Variants in GPM6A observed in about 807,000 individuals in gnomAD.
The protein encoded by GPM6A is glycoprotein M6A.
Under a neutral mutation model 32.1 loss-of-function variants are expected in GPM6A, and 7 were observed. The ratio of observed to expected loss-of-function variants is 0.22; its 90% CI spans 0.12 to 0.41. The LOEUF (loss-of-function observed/expected upper bound fraction) is 0.41, where lower values mean the gene tolerates loss of function less well. GPM6A is among the 10% of genes least tolerant of loss of function. GPM6A has a pLI of 1.00. For synonymous variants in GPM6A, 130 were observed against 123.4 expected (o/e 1.05, Z -0.35); for missense variants, 235 against 347.2 (o/e 0.68, Z 2.57).
chr4:175,647,593 A>G (rs1741533253), intron 4 of GPM6A, among the ~76,000 whole-genome samples: 1 of 152,188 alleles, frequency 6.6e-6, no homozygotes, highest in Non-Finnish European at 1.5e-5. Flanking sequence ...AAGTAGGTAT[A>G]ATGGCCATTA....
intron 1 of GPM6A, among the ~76,000 whole-genome samples, chr4:175,863,309 A>G (rs941103748): frequency 1.3e-5 from 2 of 152,128 alleles, no homozygotes; most frequent in Admixed American, 1.3e-4. Context: ...ATTGTCTAGA[A>G]TTTTATATAA....
intron 1 of GPM6A, among the ~76,000 whole-genome samples, chr4:175,864,830 T>C (rs1292144681): frequency 1.3e-5 from 2 of 152,084 alleles, no homozygotes; most frequent in East Asian, 3.9e-4. Flanking sequence ...TTTTCTTCTT[T>C]TCTTTTTTTT....
In GPM6A at chr4:175,817,677, G is replaced by T. The variant is rs139507673; in HGVS notation, c.-22-5428C>A. ...GGGGAGGCAGATTGTTGGGGAGAAA[G>T]AAAAGATATTCTGAACAGTTGAAAG... On this transcript the variant is annotated intron_variant, in intron 1 of 7. Coordinates refer to the GPM6A transcript ENST00000280187. 2.1e-3 allele frequency among the ~76,000 whole-genome samples: 319 copies of T among 152,284 alleles called. 1 individual carries two copies. Among genetic ancestry groups the T allele is most frequent in the African/African-American group, 7.4e-3 (306 of 41,568 alleles).
Position 175,673,580 on chromosome 4 carries a change from G to A in GPM6A, c.387+100C>T, listed in dbSNP as rs994218492. 1.9e-5 allele frequency: 15 copies of A among 787,802 alleles called. No individual in the cohort carries two copies. The African/African-American group carries it at 2.2e-4, about 12-fold the overall frequency. The allele number at this position is 787,802 out of a possible 1,614,324, so 48.8% of individuals were successfully genotyped here. On this transcript the variant is annotated intron_variant, in intron 3 of 6. Coordinates refer to ENST00000393658, the MANE Select transcript of GPM6A (RefSeq NM_201591.3). ...GCATCACAGAAGGAAACGTTACTGT[G>A]TGAAAAAAAAATACTTTAATTCTTG...
intron 1 of GPM6A, among the ~76,000 whole-genome samples, chr4:175,951,171 C>G (rs909309600): frequency 2.0e-5 from 3 of 152,112 alleles, no homozygotes; most frequent in Non-Finnish European, 4.4e-5. Context: ...TACTGAACTC[C>G]CCATGGAATG....
chr4:175,992,047 C>T (rs1363387082), intron 1 of GPM6A, among the ~76,000 whole-genome samples: 1 of 117,980 alleles, frequency 8.5e-6, no homozygotes, highest in Non-Finnish European at 1.8e-5. Context: ...ACCCCCTACA[C>T]ACAAACACAC....
At position 175,634,683 on chromosome 4, in the gene GPM6A, G is replaced by A; in HGVS notation, c.*222C>T. The A allele has an allele frequency of 2.3e-6, 1 of 440,324 alleles. No homozygotes were observed. The highest frequency in any genetic ancestry group is 3.8e-5 in the East Asian group (1 of 26,320). 27.3% of individuals were successfully genotyped at this position (440,324 alleles called of 1,614,324 possible). ...TGAGTTTGAGAAATTTCAAAAAAAA[G>A]GCTGGATAGGAGCTTGTAGAAAAGA... On this transcript the variant is annotated 3_prime_UTR_variant, in exon 7 of 7. Coordinates refer to ENST00000393658, the MANE Select transcript of GPM6A (RefSeq NM_201591.3).
At chr4:175,781,194 T>A (rs2111253450) in intron 1 of GPM6A, 1 of 152,060 alleles carries the variant, frequency 6.6e-6, no homozygotes. Flanking sequence ...ATAACACGAC[T>A]CAAACAACAC....
intron 1 of GPM6A, among the ~76,000 whole-genome samples, chr4:175,744,497 A>G (rs972821222): frequency 1.3e-5 from 2 of 152,048 alleles, no homozygotes; most frequent in African/African-American, 2.4e-5. Context: ...AATATAATAT[A>G]AAAATTTAAA....
In GPM6A at chr4:175,654,411, T is replaced by C. The variant is rs916068640; in HGVS notation, c.388-2424A>G. On this transcript the variant is annotated intron_variant, in intron 3 of 6. Transcript: ENST00000393658. ...CTTAAGTGAGCCTGAGATGAGATAA[T>C]GCATGAAAAGCATTTAGCATTGAAA... 4.4e-4 allele frequency: 67 copies of C among 152,308 alleles called. 1 individual carries two copies. Among genetic ancestry groups the C allele is most frequent in the African/African-American group, 1.5e-3 (64 of 41,584 alleles). The allele number at this position is 152,308 out of a possible 1,614,324, so 9.4% of individuals were successfully genotyped here.
intron 1 of GPM6A, among the ~76,000 whole-genome samples, chr4:175,981,941 T>TA (rs1020591159): frequency 5.3e-5 from 8 of 151,914 alleles, no homozygotes; most frequent in African/African-American, 9.7e-5. Context: ...TTTCCTTTTT[T>TA]AAAAAAAACT....
Position 175,893,740 on chromosome 4 carries a change from A to T in GPM6A, c.-22-81491T>A, listed in dbSNP as rs571389806. Among the ~76,000 whole-genome samples the T allele has an allele frequency of 1.6e-4, 25 of 152,328 alleles. No individual in the cohort carries two copies. The South Asian group carries it at 5.2e-3, about 32-fold the overall frequency. ...TGTTCAGATCAGATTTGCATAATCT[A>T]GTTACGTTTCCTAACCTTCCTAAGT... On this transcript the variant is annotated intron_variant, in intron 1 of 7. Transcript: ENST00000280187.
At chr4:175,725,451 C>G (rs901169772) in intron 1 of GPM6A, among the ~76,000 whole-genome samples, 1 of 151,922 alleles carries the variant, frequency 6.6e-6, no homozygotes, top group African/African-American at 2.4e-5. Flanking sequence ...CACCACCACA[C>G]CTGGCTAAAT....
chr4:175,638,127 G>A (rs1397195360), intron 6 of GPM6A, among the ~76,000 whole-genome samples: 1 of 150,254 alleles, frequency 6.7e-6, no homozygotes, highest in African/African-American at 2.4e-5. Flanking sequence ...ACAAATAATG[G>A]AGTAGAGTAG....
chr4:175,928,163 G>C (rs1174357527), intron 1 of GPM6A, among the ~76,000 whole-genome samples: 1 of 152,176 alleles, frequency 6.6e-6, no homozygotes, highest in Non-Finnish European at 1.5e-5. Flanking sequence ...GTCCGGAAGT[G>C]AGCATTTTTC....
intron 1 of GPM6A, among the ~76,000 whole-genome samples, chr4:175,776,527 T>G (rs1478953859): frequency 6.6e-6 from 1 of 152,198 alleles, no homozygotes; most frequent in Admixed American, 6.5e-5. Flanking sequence ...TATTTTAACT[T>G]GTTCAGTCTC....
At chr4:175,925,830 T>C (rs1208423830) in intron 1 of GPM6A, among the ~76,000 whole-genome samples, 1 of 150,714 alleles carries the variant, frequency 6.6e-6, no homozygotes, top group East Asian at 2.0e-4. Context: ...ACCCAGATTC[T>C]CTTTTTTTTC....
chr4:175,973,503 A>G (rs999557522), intron 1 of GPM6A, among the ~76,000 whole-genome samples: 19 of 152,244 alleles, frequency 1.2e-4, no homozygotes, highest in African/African-American at 4.6e-4. Context: ...CAACTACATA[A>G]TTAACTTCAC....
upstream of GPM6A, among the ~76,000 whole-genome samples, chr4:175,815,951 A>T (rs1560948506): frequency 6.6e-6 from 1 of 152,092 alleles, no homozygotes; most frequent in Non-Finnish European, 1.5e-5. Flanking sequence ...TCCCAACCTC[A>T]GGTGATCCGC....
Sources: allele counts gnomAD v4.1 joint callset (sites outside exome capture counted in the v4.1 genomes callset), GRCh38; gene constraint gnomAD v4.1.1; transcripts MANE v1.5; gene names NCBI Gene and HGNC (gene_info 2026-07-23, HGNC 2026-07-21).